The following XXYLT1 variants were observed in gnomAD, a reference collection of about 807,000 sequenced individuals.
The protein encoded by XXYLT1 is UDP-xylose:alpha-xyloside alpha-1,3-xylosyltransferase.
Under a neutral mutation model 28.9 loss-of-function variants are expected in XXYLT1, and 20 were observed. The observed-to-expected ratio is 0.69, with a 90% CI of 0.49 to 1.00. The LOEUF is 1.00. Among genes scored for constraint, XXYLT1 ranks in the 50% least tolerant of loss-of-function variants. The probability of loss-of-function intolerance (pLI) is 0.00; values close to 1 mark genes in which losing one functional copy is unlikely to be tolerated. For synonymous variants in XXYLT1, 257 were observed against 253.8 expected (o/e 1.01, Z -0.12); for missense variants, 542 against 560.1 (o/e 0.97, Z 0.33).
chr3:195,126,591 T>A (rs1401477114), intron 3 of XXYLT1, among the ~76,000 whole-genome samples: 1 of 152,296 alleles, frequency 6.6e-6, no homozygotes, highest in Middle Eastern at 3.4e-3. Flanking sequence ...CAACCGGGCA[T>A]AAAGACTTGA....
At chr3:195,232,470 C>A (rs902843304) in intron 1 of XXYLT1, among the ~76,000 whole-genome samples, 3 of 151,998 alleles carry the variant, frequency 2.0e-5, no homozygotes, top group African/African-American at 7.2e-5. Flanking sequence ...TAAGACGCAT[C>A]ATTAGGTGGT....
chr3:195,224,894 C>T (rs1723983373), intron 2 of XXYLT1, among the ~76,000 whole-genome samples: 2 of 152,310 alleles, frequency 1.3e-5, no homozygotes, highest in African/African-American at 2.4e-5. Flanking sequence ...TGGCTAATGG[C>T]GGAGCTGTGA....
intron 1 of XXYLT1, among the ~76,000 whole-genome samples, chr3:195,229,958 C>T (rs59806212): frequency 0.026 from 4,011 of 152,184 alleles, 162 homozygotes; most frequent in African/African-American, 0.09. Flanking sequence ...TTTGAGGAAC[C>T]GCCAATCTGT....
intron 1 of XXYLT1, among the ~76,000 whole-genome samples, chr3:195,250,429 T>G (rs1170548310): frequency 6.6e-6 from 1 of 152,134 alleles, no homozygotes; most frequent in African/African-American, 2.4e-5. Flanking sequence ...CTGGGCGTGG[T>G]GGCACATGCC....
At chr3:195,161,140 G>A (rs1395296385) in intron 2 of XXYLT1, among the ~76,000 whole-genome samples, 2 of 152,222 alleles carry the variant, frequency 1.3e-5, no homozygotes, top group South Asian at 4.1e-4. Context: ...TTTGCATGCT[G>A]ATTCAGCCCA....
chr3:195,071,166 G>A (rs1004484541), intron 3 of XXYLT1, among the ~76,000 whole-genome samples: 1 of 152,198 alleles, frequency 6.6e-6, no homozygotes, highest in Non-Finnish European at 1.5e-5. Context: ...TGACCTGGAG[G>A]AAGGAGGACC....
chr3:195,198,310 G>C (rs1722711304), intron 2 of XXYLT1, among the ~76,000 whole-genome samples: 2 of 152,154 alleles, frequency 1.3e-5, no homozygotes, highest in African/African-American at 4.8e-5. Context: ...TCAAAGAGAA[G>C]ACTCATGCAA....
chr3:195,078,273 A>G lies in XXYLT1; in HGVS notation c.786-8162T>C, dbSNP rs1389726. Among the ~76,000 whole-genome samples the G allele has an allele frequency of 0.16, 24,046 of 151,860 alleles. 2,116 individuals are homozygous for G. The highest frequency in any genetic ancestry group is 0.34 in the East Asian group (1,753 of 5,112). ...GTACGGAATTCTGGAGAGTTCTGAC[A>G]TTTAGGGCGTGGAAGAAGAGGAGCC... is the stretch of plus-strand genomic sequence containing the variant. On this transcript the variant is annotated intron_variant, in intron 3 of 3. Transcript: ENST00000310380. This position sits in a 1 kb window ranked among gnomAD's most constrained non-coding sequence, Gnocchi z 5.0.
intron 3 of XXYLT1, among the ~76,000 whole-genome samples, chr3:195,088,113 C>G (rs547698935): frequency 6.6e-6 from 1 of 151,660 alleles, no homozygotes; most frequent in Admixed American, 6.6e-5. Flanking sequence ...GGGGGAGGGG[C>G]GCCCGCCATT....
chr3:195,223,181 C>T (rs1723905036), intron 2 of XXYLT1, among the ~76,000 whole-genome samples: 1 of 151,944 alleles, frequency 6.6e-6, no homozygotes, highest in African/African-American at 2.4e-5. Context: ...TGCAGTGAGC[C>T]GAGGTTGTGC....
At chr3:195,123,779 G>T (rs373764447) in intron 3 of XXYLT1, among the ~76,000 whole-genome samples, 53 of 152,132 alleles carry the variant, frequency 3.5e-4, no homozygotes, top group African/African-American at 1.2e-3. Flanking sequence ...ATCACAAAGG[G>T]GGGCACCAGA....
At chr3:195,182,279 G>T (rs1046376928) in intron 2 of XXYLT1, among the ~76,000 whole-genome samples, 1 of 152,204 alleles carries the variant, frequency 6.6e-6, no homozygotes, top group Non-Finnish European at 1.5e-5. Context: ...ACTTAGAATA[G>T]TGACTAACCT....
At chr3:195,167,417 C>G (rs1721183103) in intron 2 of XXYLT1, among the ~76,000 whole-genome samples, 1 of 152,168 alleles carries the variant, frequency 6.6e-6, no homozygotes, top group East Asian at 1.9e-4. Flanking sequence ...ATGGTGAAAC[C>G]CCATCTCTAC....
chr3:195,262,445 T>C (rs1021304738), intron 1 of XXYLT1, among the ~76,000 whole-genome samples: 5 of 152,230 alleles, frequency 3.3e-5, no homozygotes, highest in Admixed American at 6.5e-5. Context: ...CACTGGATTG[T>C]ATACATTAAA....
chr3:195,110,264 G>T (rs115901759), intron 3 of XXYLT1, among the ~76,000 whole-genome samples: 1 of 2,238 alleles, frequency 4.5e-4, no homozygotes, highest in African/African-American at 1.2e-3. Context: ...AGTGTGTGTG[G>T]GTGTGTGGTG....
At position 195,156,477 on chromosome 3, in the gene XXYLT1, T is replaced by C; in HGVS notation, c.757A>G (p.Ile253Val). 1.9e-6 allele frequency: 3 copies of C among 1,614,212 alleles called. No homozygotes were observed. Among genetic ancestry groups the C allele is most frequent in the Non-Finnish European group, 2.5e-6 (3 of 1,180,046 alleles). Residue 253 changes from isoleucine (I) to valine (V), a missense_variant, in exon 3 of 4, where the codon ATA becomes GTA. Coordinates refer to ENST00000310380, the MANE Select transcript of XXYLT1 (RefSeq NM_152531.5). ...TAAACTGGCTGCATCTCCCGGGCTA[T>C]GCCGATGATGGCGCCTGGCAGGAAA... ...DSFLPGAIIG[I>V]AREMQPVYRH...
intron 3 of XXYLT1, among the ~76,000 whole-genome samples, chr3:195,147,363 A>T (rs1394107305): frequency 4.6e-5 from 7 of 152,192 alleles, no homozygotes; most frequent in Admixed American, 4.6e-4. Flanking sequence ...TGAGGTCAGG[A>T]GTTCGAGACC....
chr3:195,125,825 AG>A (rs1208616433), intron 3 of XXYLT1, among the ~76,000 whole-genome samples: 1 of 152,216 alleles, frequency 6.6e-6, no homozygotes, highest in Non-Finnish European at 1.5e-5. Flanking sequence ...GACCTGCGTG[AG>A]GACAGTCCTA....
At position 195,088,376 on chromosome 3, in the gene XXYLT1, C is replaced by T. The variant is rs1490800049; in HGVS notation, c.786-18265G>A. Among the ~76,000 whole-genome samples the T allele has an allele frequency of 6.1e-5, 9 of 147,084 alleles. 1 individual carries two copies. Among genetic ancestry groups the T allele is most frequent in the East Asian group, 2.1e-4 (1 of 4,806 alleles). ...CTGCCTCCTCAAGTGGGTCCCTGAC[C>T]CCTGACCCCCGAGCAGCCTAACTGG... On this transcript the variant is annotated intron_variant, in intron 3 of 3. Transcript: ENST00000310380.
Sources: gnomAD v4.1 joint callset for allele counts (sites outside exome capture counted in the v4.1 genomes callset) on GRCh38, gnomAD v4.1.1 for gene constraint, Gnocchi (gnomAD v3.1) non-coding constraint, MANE v1.5 for transcripts, NCBI Gene and HGNC (gene_info 2026-07-23, HGNC 2026-07-21) for gene names.